Variants in FAM193A observed in about 807,000 individuals in gnomAD.
The protein encoded by FAM193A is protein FAM193A.
A neutral mutation model predicts 126.5 loss-of-function variants in FAM193A; 22 were observed. The ratio of observed to expected loss-of-function variants is 0.17; its 90% CI spans 0.12 to 0.25. FAM193A has a LOEUF of 0.25. FAM193A is among the 10% of genes least tolerant of loss of function. The probability of loss-of-function intolerance (pLI) is 1.00; values close to 1 mark genes in which losing one functional copy is unlikely to be tolerated. For missense variants in FAM193A, 1,675 were observed against 1,672.8 expected, an observed-to-expected ratio of 1.00 and a Z score of -0.02; for synonymous variants, 761 against 646.8, an observed-to-expected ratio of 1.18 and a Z score of -2.68.
chr4:2,570,608 G>A (rs909461407), intron 1 of FAM193A, among the ~76,000 whole-genome samples: 31 of 152,188 alleles, frequency 2.0e-4, no homozygotes, highest in African/African-American at 6.3e-4. Flanking sequence ...CTGGAATAAT[G>A]GGAACTCATT....
intron 6 of FAM193A, among the ~76,000 whole-genome samples, chr4:2,645,583 G>T (rs1745055442): frequency 6.6e-6 from 1 of 151,752 alleles, no homozygotes; most frequent in Non-Finnish European, 1.5e-5. Context: ...CTGGAGTGCA[G>T]TGGCGCGATC....
In FAM193A at chr4:2,540,986, AAAG is replaced by A. The variant is rs758154878; in HGVS notation, c.255+3817_255+3819del. Reference sequence around the variant, plus strand: ...AAAATCCGTCTCAAAAAAAAAAAAAAAAGGGCAGGCGCAGTGGCTGACACCTAT... The same window carrying A: ...AAAATCCGTCTCAAAAAAAAAAAAAAGGCAGGCGCAGTGGCTGACACCTAT... On this transcript the variant is annotated intron_variant, in intron 1 of 20. Transcript: ENST00000637812. 7.9e-5 allele frequency among the ~76,000 whole-genome samples: 12 copies of A among 151,846 alleles called. No homozygotes were observed. The South Asian group carries it at 2.3e-3, about 29-fold the overall frequency.
At chr4:2,559,621 A>T (rs559440458) in intron 1 of FAM193A, among the ~76,000 whole-genome samples, 6 of 151,698 alleles carry the variant, frequency 4.0e-5, no homozygotes, top group African/African-American at 1.5e-4. Flanking sequence ...GGTCTTCCTT[A>T]CTCTCGCCGT....
chr4:2,632,006 T>C (rs549801588), intron 5 of FAM193A, among the ~76,000 whole-genome samples: 1 of 152,136 alleles, frequency 6.6e-6, no homozygotes, highest in African/African-American at 2.4e-5. Context: ...CTTTCTTTCT[T>C]TTAATAAAGA....
At chr4:2,685,625 CT>C (rs1183026242) in intron 13 of FAM193A, among the ~76,000 whole-genome samples, 1 of 152,150 alleles carries the variant, frequency 6.6e-6, no homozygotes, top group East Asian at 1.9e-4. Flanking sequence ...TCATCTTAAC[CT>C]TTTCGTTACT....
chr4:2,671,586 C>A (rs191712790), intron 12 of FAM193A, among the ~76,000 whole-genome samples: 1 of 152,184 alleles, frequency 6.6e-6, no homozygotes, highest in South Asian at 2.1e-4. Context: ...AAATGTGTCG[C>A]GGTATTTTCC....
intron 20 of FAM193A, among the ~76,000 whole-genome samples, chr4:2,721,804 T>C (rs4690032): frequency 0.41 from 62,523 of 152,126 alleles, 13,698 homozygotes; most frequent in Admixed American, 0.59. Context: ...TGTGCACGAC[T>C]AGAGGTTCTC....
intron 20 of FAM193A, among the ~76,000 whole-genome samples, chr4:2,725,488 A>G (rs912626923): frequency 6.7e-6 from 1 of 148,922 alleles, no homozygotes; most frequent in Non-Finnish European, 1.5e-5. Flanking sequence ...TAATCACACC[A>G]GAGAGGCAGT....
intron 20 of FAM193A, among the ~76,000 whole-genome samples, chr4:2,728,165 G>A (rs1489283327): frequency 4.0e-5 from 6 of 151,600 alleles, no homozygotes; most frequent in African/African-American, 1.2e-4. Flanking sequence ...TCCCGACCTC[G>A]GGTGATCTGC....
At chr4:2,637,714 C>G (rs557433918) in intron 5 of FAM193A, among the ~76,000 whole-genome samples, 2 of 152,180 alleles carry the variant, frequency 1.3e-5, no homozygotes, top group African/African-American at 4.8e-5. Context: ...CTGCATGCCC[C>G]GGTCCAGTTA....
chr4:2,641,624 C>T (rs1408325760), intron 6 of FAM193A, among the ~76,000 whole-genome samples: 2 of 151,922 alleles, frequency 1.3e-5, no homozygotes, highest in African/African-American at 4.8e-5. Flanking sequence ...CACTGCACTC[C>T]ATCCTGGACC....
intron 1 of FAM193A, among the ~76,000 whole-genome samples, chr4:2,588,978 A>G (rs1300220169): frequency 1.3e-5 from 2 of 152,196 alleles, no homozygotes; most frequent in African/African-American, 4.8e-5. Flanking sequence ...CTTTTGCTGT[A>G]TGGAGCCTGA....
In FAM193A at chr4:2,550,424, G is replaced by T. The variant is rs540242094; in HGVS notation, c.255+13254G>T. On this transcript the variant is annotated intron_variant, in intron 1 of 20. Transcript: ENST00000637812. ...TACATTCCTAGAATGAACCCCTCTT[G>T]GTCGTTTGTTTGTTTGTTTGTTTAT... Among the ~76,000 whole-genome samples the T allele has an allele frequency of 3.3e-5, 5 of 151,838 alleles. No individual in the cohort carries two copies. In the East Asian group the frequency reaches 9.8e-4, roughly 30 times the overall value.
intron 7 of FAM193A, among the ~76,000 whole-genome samples, chr4:2,652,249 G>A (rs542237076): frequency 3.9e-5 from 6 of 152,238 alleles, no homozygotes; most frequent in Admixed American, 6.5e-5. Flanking sequence ...AACAGGAGAC[G>A]CTGGCCTATT....
intron 1 of FAM193A, among the ~76,000 whole-genome samples, chr4:2,540,618 A>G (rs916232744): frequency 6.6e-6 from 1 of 152,166 alleles, no homozygotes; most frequent in Admixed American, 6.5e-5. Flanking sequence ...ACTGCACTCC[A>G]GCCTGGGTGA....
At chr4:2,726,245 G>T (rs2109423294) in intron 20 of FAM193A, among the ~76,000 whole-genome samples, 1 of 152,120 alleles carries the variant, frequency 6.6e-6, no homozygotes, top group East Asian at 1.9e-4. Flanking sequence ...TCATTATGTT[G>T]TCCAGGGTGG....
At chr4:2,616,826 A>C (rs1157005578) in intron 2 of FAM193A, among the ~76,000 whole-genome samples, 1 of 150,622 alleles carries the variant, frequency 6.6e-6, no homozygotes, top group Non-Finnish European at 1.5e-5. Context: ...CTGGCCTCCC[A>C]AAGTGCTGGG....
At chr4:2,561,081 T>A (rs149275318) in intron 1 of FAM193A, among the ~76,000 whole-genome samples, 1 of 152,382 alleles carries the variant, frequency 6.6e-6, no homozygotes, top group Non-Finnish European at 1.5e-5. Flanking sequence ...CAGGCTTTGG[T>A]GAACTTTTAT....
chr4:2,624,542 C>A (rs1387957653), intron 2 of FAM193A, among the ~76,000 whole-genome samples: 1 of 152,226 alleles, frequency 6.6e-6, no homozygotes, highest in Non-Finnish European at 1.5e-5. Flanking sequence ...CTGCTTGATG[C>A]AAGGCTCAGA....
Sources: gnomAD v4.1 joint callset for allele counts (sites outside exome capture counted in the v4.1 genomes callset) on GRCh38, gnomAD v4.1.1 for gene constraint, MANE v1.5 for transcripts, NCBI Gene and HGNC (gene_info 2026-07-23, HGNC 2026-07-21) for gene names.